The following CSMD1 variants were observed in gnomAD, a reference collection of about 807,000 sequenced individuals.
The protein encoded by CSMD1 is CUB and Sushi multiple domains 1.
CSMD1 carries 213 observed loss-of-function variants against 417.5 expected under a neutral mutation model. That is an observed-to-expected ratio of 0.51 (90% CI 0.46 to 0.57). The LOEUF (loss-of-function observed/expected upper bound fraction) is 0.57. CSMD1 is among the 20% of genes least tolerant of loss of function. The probability of loss-of-function intolerance (pLI) is 0.00; values close to 1 mark genes in which losing one functional copy is unlikely to be tolerated. For missense variants in CSMD1, 6,923 were observed against 4,529.7 expected (o/e 1.53, Z -15.17); for synonymous variants, 2,862 against 1,736.8 (o/e 1.65, Z -16.11).
At chr8:4,962,933 G>C (rs1465449262) in intron 1 of CSMD1, among the ~76,000 whole-genome samples, 2 of 152,180 alleles carry the variant, frequency 1.3e-5, no homozygotes, top group African/African-American at 4.8e-5. Flanking sequence ...AGCAGGATGA[G>C]AGATGGGAGG....
intron 2 of CSMD1, among the ~76,000 whole-genome samples, chr8:4,607,455 G>A (rs1800937400): frequency 6.6e-6 from 1 of 152,138 alleles, no homozygotes; most frequent in South Asian, 2.1e-4. Context: ...AAACAGTTGT[G>A]AAGCTAGGGC....
At chr8:3,999,084 G>C (rs1231864730) in intron 4 of CSMD1, among the ~76,000 whole-genome samples, 2 of 150,758 alleles carry the variant, frequency 1.3e-5, no homozygotes, top group Non-Finnish European at 3.0e-5. Flanking sequence ...TGAGAGAGAA[G>C]TATTTTAAAA....
intron 33 of CSMD1, among the ~76,000 whole-genome samples, chr8:3,192,127 TTGAGA>T (rs2129051487): frequency 6.6e-6 from 1 of 152,322 alleles, no homozygotes; most frequent in South Asian, 2.1e-4. Context: ...CAATTTGGTG[TTGAGA>T]TATTTTCTAT....
rs1802769985 is a variant in CSMD1, at chr8:4,376,716, T to C, written c.415+43237A>G. Among the ~76,000 whole-genome samples the C allele has an allele frequency of 3.3e-5, 5 of 152,230 alleles. No individual in the cohort carries two copies. In the South Asian group the frequency reaches 1.0e-3, roughly 32 times the overall value. ...AATTCTTTAATCTTTGCAAACTGAT[T>C]GCATTTTAACTTGCACTGCTTTATT... is the stretch of plus-strand genomic sequence containing the variant. On this transcript the variant is annotated intron_variant, in intron 3 of 69. Transcript: ENST00000635120.
At chr8:4,801,287 G>A (rs961221884) in intron 1 of CSMD1, among the ~76,000 whole-genome samples, 1 of 152,084 alleles carries the variant, frequency 6.6e-6, no homozygotes, top group Admixed American at 6.5e-5. Flanking sequence ...ATTGCAAAAT[G>A]AAATATGAAG....
chr8:4,594,132 G>C (rs1019348046), intron 2 of CSMD1, among the ~76,000 whole-genome samples: 3 of 150,474 alleles, frequency 2.0e-5, no homozygotes, highest in Non-Finnish European at 3.0e-5. Context: ...TAAGGACACT[G>C]GTCATGTTGA....
In CSMD1 at chr8:3,903,597, G is replaced by C. The variant is rs144013070; in HGVS notation, c.818+94306C>G. On this transcript the variant is annotated intron_variant, in intron 5 of 69. Transcript: ENST00000635120. ...TACGGTGCCTTTTTCTTCATACTTA[G>C]TTCACTACTCTATTTGGCAACTTTG... Among the ~76,000 whole-genome samples, 329 of 152,178 alleles carry C rather than the reference G, an allele frequency of 2.2e-3. 2 individuals carry two copies. Among genetic ancestry groups the C allele is most frequent in the African/African-American group, 7.5e-3 (311 of 41,540 alleles).
At chr8:4,255,050 G>C (rs913386099) in intron 3 of CSMD1, among the ~76,000 whole-genome samples, 5 of 152,170 alleles carry the variant, frequency 3.3e-5, no homozygotes, top group African/African-American at 1.2e-4. Context: ...AGTTGATCAA[G>C]CAATTCTCAG....
intron 3 of CSMD1, among the ~76,000 whole-genome samples, chr8:4,154,211 A>G (rs1056236365): frequency 2.0e-5 from 3 of 152,210 alleles, no homozygotes; most frequent in African/African-American, 7.2e-5. Flanking sequence ...AGGAAGAATA[A>G]TATCAAGGTT....
chr8:4,366,478 T>C (rs1456989370), intron 3 of CSMD1, among the ~76,000 whole-genome samples: 1 of 152,220 alleles, frequency 6.6e-6, no homozygotes, highest in East Asian at 1.9e-4. Context: ...AGTAGTCCTG[T>C]TTTAAGTTCT....
intron 9 of CSMD1, among the ~76,000 whole-genome samples, chr8:3,579,612 T>C (rs6420214): frequency 0.83 from 126,197 of 152,176 alleles, 53,033 homozygotes; most frequent in African/African-American, 0.87. Context: ...GAAGATAATA[T>C]ATCACAGAGG....
intron 8 of CSMD1, among the ~76,000 whole-genome samples, chr8:3,597,614 G>T (rs1411130518): frequency 6.6e-6 from 1 of 152,088 alleles, no homozygotes; most frequent in Non-Finnish European, 1.5e-5. Context: ...TTCTTAAAAT[G>T]TCTTTGCCCA....
chr8:3,506,096 G>A lies in CSMD1; in HGVS notation c.1345-12370C>T, dbSNP rs201366831. Among the ~76,000 whole-genome samples, 240 of 152,320 alleles carry A rather than the reference G, an allele frequency of 1.6e-3. 1 individual carries two copies. Among genetic ancestry groups the A allele is most frequent in the South Asian group, 8.3e-3 (40 of 4,828 alleles). On this transcript the variant is annotated intron_variant, in intron 10 of 69. Coordinates refer to ENST00000635120, the MANE Select transcript of CSMD1 (RefSeq NM_033225.6). ...GAGCCCTGGGGCTGTGTTCTCATAA[G>A]GAGGTGTCTCATCGGAGGCCAGGTG...
In CSMD1 at chr8:3,716,473, T is replaced by G. The variant is rs2720795; in HGVS notation, c.932-7982A>C. The stretch of plus-strand genomic sequence containing the variant: ...CTTTTTTAGACCATATAGAGTAACT[T>G]TGTGATGCTGCATTCGTAAACTGTA... On this transcript the variant is annotated intron_variant, in intron 6 of 69. Transcript: ENST00000635120. Among the ~76,000 whole-genome samples the G allele has an allele frequency of 0.018, 2,732 of 152,282 alleles. 181 individuals carry two copies. The East Asian group carries it at 0.25, about 14-fold the overall frequency.
intron 10 of CSMD1, among the ~76,000 whole-genome samples, chr8:3,529,906 G>C (rs1166801361): frequency 1.3e-5 from 2 of 152,112 alleles, no homozygotes; most frequent in African/African-American, 4.8e-5. Context: ...GAAAGCCGAG[G>C]CCTTTCTAGT....
rs149309718 is a variant in CSMD1 at position 3,737,984 on chromosome 8, A to C, written c.931+15946T>G. Among the ~76,000 whole-genome samples the C allele has an allele frequency of 4.4e-3, 663 of 152,348 alleles. 3 individuals are homozygous for C. The highest frequency in any genetic ancestry group is 0.014 in the Middle Eastern group (4 of 294). On this transcript the variant is annotated intron_variant, in intron 6 of 69. Transcript: ENST00000635120. ...AACTAAATTACTTGTAATAAATTGC[A>C]GAAGAATGCAGTGACAAACTAATGA...
intron 1 of CSMD1, among the ~76,000 whole-genome samples, chr8:4,722,052 T>G (rs1046092898): frequency 2.0e-5 from 3 of 152,106 alleles, no homozygotes; most frequent in African/African-American, 7.2e-5. Flanking sequence ...AAGTATGAAG[T>G]TGAACTTATG....
At position 3,539,072 on chromosome 8, in the gene CSMD1, A is replaced by G. The variant is rs143123079; in HGVS notation, c.1344+35873T>C. On this transcript the variant is annotated intron_variant, in intron 10 of 69. Transcript: ENST00000635120. ...ATGGCCTCTCCTCCATCACTGAGCCACGTCTCTTACAGTCTTGCCCCAGTC... is the reference window on the plus strand; with the variant it reads ...ATGGCCTCTCCTCCATCACTGAGCCGCGTCTCTTACAGTCTTGCCCCAGTC... Among the ~76,000 whole-genome samples the G allele has an allele frequency of 6.8e-3, 1,035 of 152,280 alleles. 4 individuals are homozygous for G. The highest frequency in any genetic ancestry group is 0.011 in the Non-Finnish European group (737 of 68,010).
At chr8:3,020,601 T>C (rs549858688) in intron 51 of CSMD1, among the ~76,000 whole-genome samples, 1 of 152,190 alleles carries the variant, frequency 6.6e-6, no homozygotes, top group Non-Finnish European at 1.5e-5. Context: ...CTGGAACTCC[T>C]GGGCTCAGGC....
Sources: allele counts gnomAD v4.1 joint callset (sites outside exome capture counted in the v4.1 genomes callset), GRCh38; gene constraint gnomAD v4.1.1; transcripts MANE v1.5; gene names NCBI Gene and HGNC (gene_info 2026-07-23, HGNC 2026-07-21).